Variants in PRKN observed in about 807,000 individuals in gnomAD.
PRKN encodes parkin RBR E3 ubiquitin protein ligase, also known as E3 ubiquitin-protein ligase parkin.
Under a neutral mutation model 59.5 loss-of-function variants are expected in PRKN, and 56 were observed. That is an observed-to-expected ratio of 0.94 (90% CI 0.76 to 1.18). The LOEUF (loss-of-function observed/expected upper bound fraction) is 1.18. PRKN is among the 50% of genes most tolerant of loss of function. The pLI, the probability that PRKN is intolerant of heterozygous loss-of-function variation, is 0.00. For synonymous variants in PRKN, 250 were observed against 222.1 expected, an observed-to-expected ratio of 1.13 and a Z score of -1.12; for missense variants, 657 against 596.4, an observed-to-expected ratio of 1.10 and a Z score of -1.06.
At chr6:162,436,774 A>C (rs1391626590) in intron 2 of PRKN, among the ~76,000 whole-genome samples, 1 of 151,454 alleles carries the variant, frequency 6.6e-6, no homozygotes, top group East Asian at 1.9e-4. Context: ...CAGATCTATA[A>C]TGTGCTAAAA....
intron 6 of PRKN, among the ~76,000 whole-genome samples, chr6:161,890,310 T>C (rs1163073456): frequency 6.6e-6 from 1 of 152,180 alleles, no homozygotes; most frequent in Non-Finnish European, 1.5e-5. Context: ...TTCCCTTTTT[T>C]CCTTCAGGAT....
intron 7 of PRKN, among the ~76,000 whole-genome samples, chr6:161,757,884 TATAC>T (rs1789010706): frequency 2.0e-5 from 2 of 97,834 alleles, no homozygotes; most frequent in Non-Finnish European, 4.0e-5. Context: ...TGTATATATA[TATAC>T]ACACACACAC....
At chr6:162,604,356 C>T (rs1209051906) in intron 1 of PRKN, among the ~76,000 whole-genome samples, 3 of 152,120 alleles carry the variant, frequency 2.0e-5, no homozygotes, top group African/African-American at 7.2e-5. Context: ...GAAAACCATC[C>T]AAGTCAAATA....
At chr6:162,275,479 A>G (rs901064051) in intron 2 of PRKN, 7 of 152,176 alleles carry the variant, frequency 4.6e-5, no homozygotes, top group Non-Finnish European at 1.0e-4. Flanking sequence ...AATTTTTAAA[A>G]GCATTATTAA....
At chr6:162,228,400 A>G (rs1778279308) in intron 3 of PRKN, among the ~76,000 whole-genome samples, 1 of 152,226 alleles carries the variant, frequency 6.6e-6, no homozygotes, top group Non-Finnish European at 1.5e-5. Flanking sequence ...GACAGGGACT[A>G]GAGACTCTTC....
In PRKN at chr6:161,413,235, C is replaced by G. The variant is rs1787672200; in HGVS notation, c.1084-26358G>C. Among the ~76,000 whole-genome samples, 1 of 152,184 alleles carries G rather than the reference C, an allele frequency of 6.6e-6. No homozygotes were observed. Among genetic ancestry groups the G allele is most frequent in the Non-Finnish European group, 1.5e-5 (1 of 68,040 alleles). On this transcript the variant is annotated intron_variant, in intron 9 of 11. Coordinates refer to ENST00000366898, the MANE Select transcript of PRKN (RefSeq NM_004562.3). This position sits in a 1 kb window ranked among gnomAD's most constrained non-coding sequence, Gnocchi z 4.4. ...AAACCCACTGTCTCCCGGACACTGGCCTCCAGGGCACGGTCTGGAGGGTCT... is the reference window on the plus strand; with the variant it reads ...AAACCCACTGTCTCCCGGACACTGGGCTCCAGGGCACGGTCTGGAGGGTCT...
intron 3 of PRKN, among the ~76,000 whole-genome samples, chr6:162,214,583 T>C (rs1163239825): frequency 6.6e-6 from 1 of 152,218 alleles, no homozygotes; most frequent in Non-Finnish European, 1.5e-5. Context: ...AATTCCTTCT[T>C]AACACAGATT....
chr6:162,676,219 G>A (rs1779537660), intron 1 of PRKN, among the ~76,000 whole-genome samples: 1 of 152,104 alleles, frequency 6.6e-6, no homozygotes, highest in South Asian at 2.1e-4. Context: ...AATCATGGAA[G>A]AAACCACCAA....
chr6:162,712,618 A>G (rs1778578000), intron 1 of PRKN, among the ~76,000 whole-genome samples: 1 of 152,250 alleles, frequency 6.6e-6, no homozygotes, highest in African/African-American at 2.4e-5. Flanking sequence ...TGATATAAAC[A>G]GGCTAACTCA....
intron 9 of PRKN, among the ~76,000 whole-genome samples, chr6:161,432,050 C>T (rs1788670843): frequency 6.6e-6 from 1 of 152,204 alleles, no homozygotes; most frequent in Admixed American, 6.5e-5. Context: ...CACTGGGGTG[C>T]ATTTTAATGC....
rs1247960418 is a variant in PRKN, at chr6:162,546,462, C to CT, written c.8-102990dup. ...AAAATTTAGCCATTTGAAACAAACT[C>CT]TTTTTTTTTTTTAAGACTGAGTTTC... On this transcript the variant is annotated intron_variant, in intron 1 of 11. Coordinates refer to ENST00000366898, the MANE Select transcript of PRKN (RefSeq NM_004562.3). Among the ~76,000 whole-genome samples, 747 of 144,632 alleles carry CT rather than the reference C, an allele frequency of 5.2e-3. 4 individuals carry two copies. The highest frequency in any genetic ancestry group is 8.2e-3 in the Admixed American group (118 of 14,338). 94.9% of individuals were successfully genotyped at this position (144,632 alleles called of 152,430 possible).
chr6:161,985,543 T>A (rs554340219), intron 5 of PRKN, among the ~76,000 whole-genome samples: 29 of 152,318 alleles, frequency 1.9e-4, no homozygotes, highest in Non-Finnish European at 2.9e-4. Flanking sequence ...TGACTCACCA[T>A]CCCTAGATGA....
At chr6:162,118,391 G>A (rs1780767158) in intron 4 of PRKN, among the ~76,000 whole-genome samples, 2 of 151,818 alleles carry the variant, frequency 1.3e-5, no homozygotes, top group Non-Finnish European at 2.9e-5. Context: ...GGGCTACAGA[G>A]CGAGACTCCA....
intron 1 of PRKN, among the ~76,000 whole-genome samples, chr6:162,579,545 A>C (rs1420798959): frequency 6.6e-6 from 1 of 152,082 alleles, no homozygotes. Flanking sequence ...ACACACTTTC[A>C]CACACATATC....
intron 7 of PRKN, among the ~76,000 whole-genome samples, chr6:161,597,982 T>C (rs547314283): frequency 9.2e-5 from 14 of 152,342 alleles, no homozygotes; most frequent in African/African-American, 2.6e-4. Flanking sequence ...GAAGGTCCTA[T>C]GGTTTTAATC....
intron 3 of PRKN, among the ~76,000 whole-genome samples, chr6:162,260,975 G>A (rs1309361197): frequency 6.6e-6 from 1 of 152,214 alleles, no homozygotes; most frequent in East Asian, 1.9e-4. Context: ...GATTTGAAAC[G>A]TATTGCCTGT....
chr6:161,382,908 G>A (rs1414488292), intron 10 of PRKN, among the ~76,000 whole-genome samples: 1 of 152,132 alleles, frequency 6.6e-6, no homozygotes, highest in Non-Finnish European at 1.5e-5. Context: ...TGCAAGAACA[G>A]AAACCAATCA....
chr6:162,154,911 T>C (rs1320617871), intron 4 of PRKN, among the ~76,000 whole-genome samples: 1 of 151,282 alleles, frequency 6.6e-6, no homozygotes, highest in East Asian at 1.9e-4. Flanking sequence ...ATAGCTTAAT[T>C]GAAAAATCAG....
chr6:162,695,150 A>G (rs1777922785), intron 1 of PRKN: 1 of 152,196 alleles, frequency 6.6e-6, no homozygotes, highest in African/African-American at 2.4e-5. Flanking sequence ...TCAATACTTC[A>G]TGTCATTTCC....
Sources: allele counts gnomAD v4.1 joint callset (sites outside exome capture counted in the v4.1 genomes callset), GRCh38; gene constraint gnomAD v4.1.1; non-coding constraint Gnocchi (gnomAD v3.1); transcripts MANE v1.5; gene names NCBI Gene and HGNC (gene_info 2026-07-23, HGNC 2026-07-21).